ZFX: variants seen among roughly 807,000 people sequenced by gnomAD.
ZFX encodes the protein zinc finger X-chromosomal protein.
For synonymous variants in ZFX, 196 were observed against 226.8 expected, an observed-to-expected ratio of 0.86 and a Z score of 1.22; for missense variants, 362 against 628.3, an observed-to-expected ratio of 0.58 and a Z score of 4.53.
rs192631553 is a variant in ZFX at position 24,199,511 on chromosome X, C to T, written c.647-7815C>T. On this transcript the variant is annotated intron_variant, in intron 5 of 9. Coordinates refer to ENST00000304543, the MANE Select transcript of ZFX (RefSeq NM_003410.4). ...GTTTAAGCAATTCTCCTGCCTTGGC[C>T]TCCCAAAGAGCTGGGATTATAGGTG... Among the ~76,000 whole-genome samples the T allele has an allele frequency of 4.5e-5, 5 of 110,933 alleles. No individual in the cohort carries two copies. The East Asian group carries it at 8.6e-4, about 19-fold the overall frequency.
chrX:24,149,401 G>C (rs182378233), upstream of ZFX: 4 of 109,902 alleles, frequency 3.6e-5, no homozygotes, highest in Admixed American at 2.8e-4. Flanking sequence ...CGGCGCGTGT[G>C]TGGCGGCGGC....
chrX:24,179,700 T>A lies in ZFX; in HGVS notation c.576T>A (p.Asp192Glu). The A allele has an allele frequency of 8.3e-7, 1 of 1,211,476 alleles. No homozygotes were observed. The part of the protein sequence containing the change: ...VADCASEAVI[D>E]ANGIPVDQQD... ...ACTGTGCCTCTGAAGCAGTCATAGA[T>A]GCCAATGGGATCCCTGTGGACCAGC... is the stretch of plus-strand genomic sequence containing the variant. The change falls in exon 5 of 10, where the codon GAT becomes GAA. Residue 192 changes from aspartate to glutamate, a missense_variant. Physicochemically the swap from Asp to Glu is conservative, Grantham distance 45. Transcript: ENST00000304543.
intron 5 of ZFX, among the ~76,000 whole-genome samples, chrX:24,195,606 C>T (rs1446213189): frequency 1.8e-5 from 2 of 111,160 alleles, no homozygotes; most frequent in Non-Finnish European, 3.8e-5. Context: ...CCGCCCGCCT[C>T]GGCCTCCCAA....
At chrX:24,150,256 G>C (rs1187555251) in intron 1 of ZFX, 1 of 104,137 alleles carries the variant, frequency 9.6e-6, no homozygotes, top group Non-Finnish European at 2.0e-5. Context: ...GGGGTTGCCG[G>C]GAGGGGGAGC....
chrX:24,207,674 A>C (rs756272958), intron 6 of ZFX, 38 bp from the exon 7 acceptor site: 2 of 1,189,376 alleles, frequency 1.7e-6, no homozygotes, highest in Non-Finnish European at 2.3e-6. Flanking sequence ...GCAGTTTTCA[A>C]ATAAATTATT....
intron 5 of ZFX, among the ~76,000 whole-genome samples, chrX:24,187,370 A>G (rs1936205657): frequency 8.9e-6 from 1 of 111,898 alleles, no homozygotes; most frequent in Non-Finnish European, 1.9e-5. Context: ...TGTATAATTT[A>G]ATACTACAAA....
intron 3 of ZFX, among the ~76,000 whole-genome samples, chrX:24,172,024 A>G (rs976385666): frequency 3.6e-5 from 4 of 111,235 alleles, no homozygotes; most frequent in African/African-American, 1.3e-4. Flanking sequence ...GTGCTTAAAG[A>G]TGAGCTTACT....
intron 3 of ZFX, among the ~76,000 whole-genome samples, chrX:24,167,351 C>A (rs373213556): frequency 9.0e-6 from 1 of 111,296 alleles, no homozygotes; most frequent in Non-Finnish European, 1.9e-5. Flanking sequence ...ATCACTTGGG[C>A]TGAAGAAGTT....
At chrX:24,187,813 A>G (rs1936247403) in intron 5 of ZFX, among the ~76,000 whole-genome samples, 1 of 111,566 alleles carries the variant, frequency 9.0e-6, no homozygotes, top group African/African-American at 3.3e-5. Context: ...GAAGATAAAC[A>G]GAAACAGGCA....
At chrX:24,176,425 C>T (rs1202384145) in intron 4 of ZFX, among the ~76,000 whole-genome samples, 3 of 90,005 alleles carry the variant, frequency 3.3e-5, no homozygotes, top group Non-Finnish European at 6.4e-5. Context: ...ATTCTTTGGC[C>T]TTTGATTTTT....
At chrX:24,206,266 A>G (rs760291642) in intron 5 of ZFX, among the ~76,000 whole-genome samples, 70 of 112,535 alleles carry the variant, frequency 6.2e-4, no homozygotes, top group Non-Finnish European at 1.2e-3. Flanking sequence ...CAAATAGATC[A>G]TATCAAGTGA....
chrX:24,207,245 A>AAT (rs760015277), intron 5 of ZFX, 81 bp from the exon 6 acceptor site: 267 of 752,164 alleles, frequency 3.5e-4, no homozygotes, highest in South Asian at 5.8e-4. Context: ...AAAAAAAAAA[A>AAT]TTTTTTTTTT....
intron 1 of ZFX, chrX:24,150,113 G>A (rs1421822073): frequency 9.7e-6 from 1 of 103,217 alleles, no homozygotes; most frequent in African/African-American, 3.5e-5. Flanking sequence ...GCGAGGAGGC[G>A]AAGGCTGCAG....
At chrX:24,173,361 G>T (rs188299263) in intron 4 of ZFX, among the ~76,000 whole-genome samples, 292 of 110,644 alleles carry the variant, frequency 2.6e-3, no homozygotes, top group Non-Finnish European at 4.1e-3. Context: ...GATAAAGAAG[G>T]TCTCCCACAT....
Sources: gnomAD v4.1 joint callset for allele counts (sites outside exome capture counted in the v4.1 genomes callset) on GRCh38, gnomAD v4.1.1 for gene constraint, MANE v1.5 for transcripts, NCBI Gene and HGNC (gene_info 2026-07-23, HGNC 2026-07-21) for gene names.